Variants in FARP1 observed in about 807,000 individuals in gnomAD.
FARP1 encodes FERM, ARHGEF and pleckstrin domain-containing protein 1.
In FARP1, 52 loss-of-function variants were observed where a neutral mutation model predicts 128.8. The ratio of observed to expected loss-of-function variants is 0.40; its 90% CI spans 0.32 to 0.51. The LOEUF is 0.51. Among genes scored for constraint, FARP1 ranks in the 20% least tolerant of loss-of-function variants. FARP1 has a pLI of 0.45. For missense variants in FARP1, 1,333 were observed against 1,367.9 expected (o/e 0.97, Z 0.40); for synonymous variants, 580 against 551.8 (o/e 1.05, Z -0.72).
intron 18 of FARP1, chr13:98,433,331 C>T (rs1355681671): frequency 6.6e-6 from 1 of 152,144 alleles, no homozygotes; most frequent in Non-Finnish European, 1.5e-5. Context: ...AAAGGCAACC[C>T]AATAGGTAGA....
chr13:98,298,141 G>A (rs932545245), intron 2 of FARP1, among the ~76,000 whole-genome samples: 1 of 152,202 alleles, frequency 6.6e-6, no homozygotes, highest in African/African-American at 2.4e-5. Flanking sequence ...GTGGCCCTGC[G>A]TGTGCTCTGC....
intron 2 of FARP1, among the ~76,000 whole-genome samples, chr13:98,296,018 C>G (rs1384653172): frequency 2.0e-5 from 3 of 152,200 alleles, no homozygotes; most frequent in Non-Finnish European, 4.4e-5. Context: ...GCACATTAGC[C>G]TCACCTGGGG....
intron 3 of FARP1, among the ~76,000 whole-genome samples, chr13:98,353,532 C>G (rs1888521229): frequency 6.6e-6 from 1 of 152,092 alleles, no homozygotes; most frequent in Non-Finnish European, 1.5e-5. Flanking sequence ...GCATGTGCAA[C>G]CATGCCCAGC....
At chr13:98,343,461 T>C (rs147635295) in intron 2 of FARP1, among the ~76,000 whole-genome samples, 5 of 152,298 alleles carry the variant, frequency 3.3e-5, no homozygotes, top group African/African-American at 1.2e-4. Flanking sequence ...TGCTCAACTT[T>C]TTGTAAACCT....
intron 1 of FARP1, among the ~76,000 whole-genome samples, chr13:98,173,688 G>T (rs1877799742): frequency 6.6e-6 from 1 of 152,234 alleles, no homozygotes; most frequent in Non-Finnish European, 1.5e-5. Flanking sequence ...CAGAAAAAAG[G>T]TCAAGTCAGT....
chr13:98,306,682 CTTTT>C (rs10605968), intron 2 of FARP1, among the ~76,000 whole-genome samples: 7 of 151,078 alleles, frequency 4.6e-5, no homozygotes, highest in Admixed American at 4.0e-4. Flanking sequence ...ACCCGGCTAA[CTTTT>C]TTTTTTATTT....
At chr13:98,398,409 A>G (rs1336905350) in intron 13 of FARP1, 1 of 152,230 alleles carries the variant, frequency 6.6e-6, no homozygotes, top group Non-Finnish European at 1.5e-5. Context: ...TTTCTTCTGA[A>G]AAAGTTAAGT....
chr13:98,350,226 T>C (rs1324661254), intron 3 of FARP1, among the ~76,000 whole-genome samples: 1 of 152,134 alleles, frequency 6.6e-6, no homozygotes, highest in African/African-American at 2.4e-5. Context: ...ACAGGCCCTT[T>C]GGAAAATACA....
intron 24 of FARP1, 184 bp from the exon 25 acceptor site, chr13:98,445,914 A>C: frequency 1.8e-6 from 1 of 547,636 alleles, no homozygotes; most frequent in Non-Finnish European, 3.3e-6. Context: ...GACAAGGGGA[A>C]GTGATGAGAT....
At chr13:98,198,155 A>G (rs1454949675) in intron 1 of FARP1, among the ~76,000 whole-genome samples, 2 of 152,194 alleles carry the variant, frequency 1.3e-5, no homozygotes, top group East Asian at 1.9e-4. Flanking sequence ...CAGCTGAATT[A>G]CCTGCCAGAG....
At chr13:98,219,841 T>C (rs1000375927) in intron 2 of FARP1, among the ~76,000 whole-genome samples, 15 of 152,010 alleles carry the variant, frequency 9.9e-5, no homozygotes, top group Middle Eastern at 3.4e-3. Context: ...ATTTTTTTTT[T>C]ACTTTTTGTA....
chr13:98,287,904 C>T (rs1426919454), intron 2 of FARP1, among the ~76,000 whole-genome samples: 1 of 150,496 alleles, frequency 6.6e-6, no homozygotes, highest in Admixed American at 6.7e-5. Flanking sequence ...CTGGTTCAAG[C>T]GATTCTTCTG....
intron 2 of FARP1, among the ~76,000 whole-genome samples, chr13:98,279,537 T>C (rs1884831871): frequency 6.6e-6 from 1 of 152,220 alleles, no homozygotes; most frequent in African/African-American, 2.4e-5. Flanking sequence ...TGGTTCTGGA[T>C]TGACTGAGCA....
rs1326586153 is a variant in FARP1, at chr13:98,392,588, C to T, written c.1089-1055C>T. Among the ~76,000 whole-genome samples the T allele has an allele frequency of 2.6e-5, 4 of 151,908 alleles. 1 individual carries two copies. The highest frequency in any genetic ancestry group is 9.6e-5 in the African/African-American group (4 of 41,494). ...CTCCCATATATAATTCTGCATCTTG[C>T]TTTTTTAATACTACCTTTTTTTTGA... On this transcript the variant is annotated intron_variant, in intron 11 of 26. Transcript: ENST00000319562.
At chr13:98,191,538 G>C (rs1486297805) in intron 1 of FARP1, among the ~76,000 whole-genome samples, 5 of 152,178 alleles carry the variant, frequency 3.3e-5, no homozygotes, top group African/African-American at 9.7e-5. Context: ...GACTACCAAC[G>C]TGAATTTCAT....
At chr13:98,322,860 CCA>C (rs1408975854) in intron 2 of FARP1, among the ~76,000 whole-genome samples, 2 of 152,196 alleles carry the variant, frequency 1.3e-5, no homozygotes, top group Non-Finnish European at 2.9e-5. Context: ...TGCATGTCAG[CCA>C]CACACAGATG....
intron 2 of FARP1, among the ~76,000 whole-genome samples, chr13:98,259,822 A>C (rs1465654136): frequency 6.6e-6 from 1 of 150,642 alleles, no homozygotes; most frequent in Non-Finnish European, 1.5e-5. Flanking sequence ...GGATGAAGGG[A>C]AGGTGGCCTG....
chr13:98,450,297 T>C lies in FARP1; in HGVS notation c.*1980T>C, dbSNP rs1474837272. 6.6e-6 allele frequency: 1 copy of C among 152,348 alleles called. No individual in the cohort carries two copies. Among genetic ancestry groups the C allele is most frequent in the South Asian group, 2.1e-4 (1 of 4,832 alleles). The allele number at this position is 152,348 out of a possible 1,614,324, so 9.4% of individuals were successfully genotyped here. A position where few individuals can be genotyped will look rare whatever the true frequency, so the allele number is the denominator to read the frequency against. ...ACTCTGCCTTTGCTGACACATTTTATAGCAGAAATACACAAGCTGTTTTTA... is the reference window on the plus strand; with the variant it reads ...ACTCTGCCTTTGCTGACACATTTTACAGCAGAAATACACAAGCTGTTTTTA... On this transcript the variant is annotated 3_prime_UTR_variant, in exon 27 of 27. Coordinates refer to ENST00000319562, the MANE Select transcript of FARP1 (RefSeq NM_005766.4).
At chr13:98,418,634 G>A (rs1204926305) in intron 16 of FARP1, among the ~76,000 whole-genome samples, 4 of 152,134 alleles carry the variant, frequency 2.6e-5, no homozygotes, top group Non-Finnish European at 4.4e-5. Context: ...TGCCTTAGTC[G>A]TGACTATATA....
Sources: gnomAD v4.1 joint callset for allele counts (sites outside exome capture counted in the v4.1 genomes callset) on GRCh38, gnomAD v4.1.1 for gene constraint, MANE v1.5 for transcripts, NCBI Gene and HGNC (gene_info 2026-07-23, HGNC 2026-07-21) for gene names.